The following LRRC24 variants were observed in gnomAD, a reference collection of about 807,000 sequenced individuals.
The protein encoded by LRRC24 is leucine rich repeat containing 24, also known as leucine-rich repeat-containing protein 24.
In LRRC24, 19 loss-of-function variants were observed where a neutral mutation model predicts 15.3. The observed-to-expected ratio is 1.25, with a 90% confidence interval of 0.87 to 1.83. The LOEUF (loss-of-function observed/expected upper bound fraction) is 1.83. Among genes scored for constraint, LRRC24 ranks in the 40% most tolerant of loss-of-function variants. LRRC24 has a pLI of 0.00. For synonymous variants in LRRC24, 469 were observed against 359.6 expected, an observed-to-expected ratio of 1.30 and a Z score of -3.44; for missense variants, 914 against 723.9, an observed-to-expected ratio of 1.26 and a Z score of -3.01.
At chr8:144,524,374 T>C in intron 3 of LRRC24, 67 bp downstream of exon 3, 2 of 1,593,584 alleles carry the variant, frequency 1.3e-6, no homozygotes, top group East Asian at 2.2e-5. Flanking sequence ...CTTTTCTAAC[T>C]ATTCCAGCCC....
chr8:144,522,754 C>G lies in LRRC24; in HGVS notation c.1263G>C (p.Leu421=), dbSNP rs1237959107. The stretch of plus-strand genomic sequence containing the variant: ...GGCGCCGGCGACAGATCATGGCGAC[C>G]AGGAGCAGCGCCGTGAGCGCCAGCA... ...IALLALTALL[L]VAMICRRRRR... is the part of the protein sequence containing the mutation. The change falls in exon 5 of 5, where the codon CTG becomes CTC. Residue 421 remains leucine, a synonymous_variant. Transcript: ENST00000529415. 2 of 1,583,730 alleles carry G rather than the reference C, an allele frequency of 1.3e-6. No homozygotes were observed. Among genetic ancestry groups the G allele is most frequent in the Non-Finnish European group, 1.7e-6 (2 of 1,167,450 alleles).
chr8:144,522,647 G>C lies in LRRC24; in HGVS notation c.1370C>G (p.Ala457Gly). The C allele has an allele frequency of 6.3e-7, 1 of 1,586,580 alleles. No homozygotes were observed. Among genetic ancestry groups the C allele is most frequent in the Non-Finnish European group, 8.6e-7 (1 of 1,168,484 alleles). Residue 457 changes from alanine (A) to glycine (G), a missense_variant, in exon 5 of 5, where the codon GCA (alanine) becomes GGA (glycine). Transcript: ENST00000529415. Reference protein sequence around the residue: ...NDYLDGPCTFAQLEELRDERG... With the variant: ...NDYLDGPCTFGQLEELRDERG... ...CTCGTCGCGGAGCTCCTCTAGCTGT[G>C]CGAACGTACAGGGGCCGTCCAAGTA... is the stretch of plus-strand genomic sequence containing the variant.
chr8:144,522,463 G>C lies in LRRC24; in HGVS notation c.*12C>G, dbSNP rs769551899. 1.2e-5 allele frequency: 17 copies of C among 1,404,708 alleles called. No homozygotes were observed. The highest frequency in any genetic ancestry group is 3.0e-5 in the East Asian group (1 of 33,722). 87.0% of individuals were successfully genotyped at this position (1,404,708 alleles called of 1,614,324 possible). On this transcript the variant is annotated 3_prime_UTR_variant, in exon 5 of 5. Coordinates refer to ENST00000529415, the MANE Select transcript of LRRC24 (RefSeq NM_001024678.4). ...AATCTCCGGCGCCCACGTCATCCGC[G>C]CGCCCGCGGCCCTAGCAGTGGATCT...
chr8:144,525,569 C>T (rs1162506818), intron 1 of LRRC24, among the ~76,000 whole-genome samples: 2 of 152,194 alleles, frequency 1.3e-5, no homozygotes, highest in African/African-American at 2.4e-5. Flanking sequence ...AGAGGAGCTA[C>T]GAGCCCCAGG....
At chr8:144,525,424 G>C (rs1404325200) in intron 1 of LRRC24, among the ~76,000 whole-genome samples, 1 of 152,210 alleles carries the variant, frequency 6.6e-6, no homozygotes, top group Admixed American at 6.5e-5. Flanking sequence ...GGAAGTACAG[G>C]GTATGGCTTG....
rs995278032 is a variant in LRRC24, at chr8:144,522,898, C to T, written c.1119G>A (p.Ala373=). The change falls in exon 5 of 5, where the codon GCG becomes GCA. Residue 373 remains alanine (A), a synonymous_variant. Transcript: ENST00000529415. The part of the protein sequence containing the change: ...NASRQQPQQP[A]QPPPPAARPA... ...GGCGGGCGGCCGGAGGCGGCGGTTG[C>T]GCGGGCTGCTGCGGCTGCTGCCGGG... The T allele has an allele frequency of 6.1e-6, 8 of 1,302,716 alleles. No homozygotes were observed. Among genetic ancestry groups the T allele is most frequent in the East Asian group, 3.1e-5 (1 of 32,230 alleles). The allele number at this position is 1,302,716 out of a possible 1,614,324, so 80.7% of individuals were successfully genotyped here.
chr8:144,522,517 TC>T lies in LRRC24; in HGVS notation c.1499del (p.Gly500AspfsTer?). The T allele has an allele frequency of 2.0e-6, 3 of 1,504,146 alleles. No individual in the cohort carries two copies. Among genetic ancestry groups the T allele is most frequent in the Non-Finnish European group, 2.7e-6 (3 of 1,130,790 alleles). 93.2% of individuals were successfully genotyped at this position (1,504,146 alleles called of 1,614,324 possible). The part of the protein sequence containing the change: ...DCGPEQGAGP[G>X]LRVPPPVAYE... Reference sequence around the variant, plus strand: ...AGGCGACCGGCGGGGGCACGCGGAGTCCCGGCCCCGCCCCCTGTTCCGGGCC... The same window carrying T: ...AGGCGACCGGCGGGGGCACGCGGAGTCCGGCCCCGCCCCCTGTTCCGGGCC... On this transcript the variant is annotated frameshift_variant, in exon 5 of 5. Coordinates refer to ENST00000529415, the MANE Select transcript of LRRC24 (RefSeq NM_001024678.4). LOFTEE classifies it high-confidence loss of function.
intron 1 of LRRC24, 118 bp from the exon 2 acceptor site, chr8:144,525,151 A>C: frequency 3.3e-6 from 2 of 600,842 alleles, no homozygotes; most frequent in Non-Finnish European, 2.5e-6. Flanking sequence ...AACTAATAAA[A>C]CGTTCTGGTT....
intron 4 of LRRC24, 111 bp downstream of exon 4, chr8:144,523,999 C>G: frequency 7.7e-7 from 1 of 1,297,340 alleles, no homozygotes; most frequent in Non-Finnish European, 1.1e-6. Context: ...GGTGGTGCAG[C>G]CTTCCAGACT....
intron 4 of LRRC24, 186 bp from the exon 5 acceptor site, chr8:144,523,595 G>T: frequency 2.3e-6 from 2 of 882,652 alleles, no homozygotes; most frequent in South Asian, 2.8e-5. Context: ...CTTCACCCTC[G>T]CCCCCCTCCC....
chr8:144,523,948 C>T, intron 4 of LRRC24, 162 bp downstream of exon 4: 2 of 806,212 alleles, frequency 2.5e-6, no homozygotes, highest in South Asian at 1.7e-5. Context: ...CTGTATTCCC[C>T]AGCACACCCA....
rs1393253160 is a variant in LRRC24, at chr8:144,525,209, C to T, written c.-59-176G>A. The T allele has an allele frequency of 1.4e-5, 6 of 417,848 alleles. No homozygotes were observed. In the South Asian group the frequency reaches 3.0e-4, roughly 21 times the overall value. The allele number at this position is 417,848 out of a possible 1,614,324, so 25.9% of individuals were successfully genotyped here. A position where few individuals can be genotyped will look rare whatever the true frequency, so the allele number is the denominator to read the frequency against. On this transcript the variant is annotated intron_variant, in intron 1 of 4. Transcript: ENST00000529415. ...TCTTAAAGCTCTGGGGCATCAGGTT[C>T]AAATTTAGAATTCCTGGTGTCCTCA...
chr8:144,523,155 G>T lies in LRRC24; in HGVS notation c.862C>A (p.Gln288Lys). 6.2e-7 allele frequency: 1 copy of T among 1,610,966 alleles called. No homozygotes were observed. The highest frequency in any genetic ancestry group is 8.5e-7 in the Non-Finnish European group (1 of 1,179,356). Residue 288 changes from glutamine (Q) to lysine (K), a missense_variant, in exon 5 of 5, where the codon CAG becomes AAG. Gln to Lys is a moderately conservative substitution (Grantham distance 53, BLOSUM62 1). Coordinates refer to ENST00000529415, the MANE Select transcript of LRRC24 (RefSeq NM_001024678.4). ...RVACQASGYP[Q>K]PLVTWRKVPQ... ...ACCTTTCTCCAGGTCACCAATGGCTGCGGGTAGCCGGAGGCTTGGCAGGCA... is the reference window on the plus strand; with the variant it reads ...ACCTTTCTCCAGGTCACCAATGGCTTCGGGTAGCCGGAGGCTTGGCAGGCA...
chr8:144,525,150 A>C, intron 1 of LRRC24, 117 bp from the exon 2 acceptor site: 3 of 604,410 alleles, frequency 5.0e-6, no homozygotes, highest in Admixed American at 4.2e-5. Flanking sequence ...AAACTAATAA[A>C]ACGTTCTGGT....
At chr8:144,525,246 G>T in intron 1 of LRRC24, 1 of 321,680 alleles carries the variant, frequency 3.1e-6, no homozygotes, top group Non-Finnish European at 5.6e-6. Context: ...TGTCTTCACA[G>T]GATGTGACCA....
chr8:144,524,217 G>T lies in LRRC24; in HGVS notation c.500C>A (p.Ala167Glu), dbSNP rs758677817. 1.2e-6 allele frequency: 2 copies of T among 1,612,660 alleles called. No homozygotes were observed. Among genetic ancestry groups the T allele is most frequent in the East Asian group, 4.5e-5 (2 of 44,884 alleles). Residue 167 changes from alanine to glutamate, a missense_variant, in exon 4 of 5, where the codon GCG becomes GAG. Coordinates refer to ENST00000529415, the MANE Select transcript of LRRC24 (RefSeq NM_001024678.4). ...CAGCAGTGCTAGGGAGGACAGCCCC[G>T]CTAGAGCCTGGTCCTCCAGCAGCTC... Reference protein sequence around the residue: ...SIELLEDQALAGLSSLALLDL... With the variant: ...SIELLEDQALEGLSSLALLDL...
chr8:144,522,397 T>C lies in LRRC24; in HGVS notation c.*78A>G, dbSNP rs1840153744. The C allele has an allele frequency of 4.4e-6, 6 of 1,366,296 alleles. No homozygotes were observed. The highest frequency in any genetic ancestry group is 5.6e-6 in the Non-Finnish European group (6 of 1,067,020). 84.6% of individuals were successfully genotyped at this position (1,366,296 alleles called of 1,614,324 possible). ...ACGGCTCAGCGCACACTGCGCGGCT[T>C]CCACCTTTACTGACGGAGCATGCGC... On this transcript the variant is annotated 3_prime_UTR_variant, in exon 5 of 5. Coordinates refer to ENST00000529415, the MANE Select transcript of LRRC24 (RefSeq NM_001024678.4).
chr8:144,524,527 AGGCGCCGCTGCGCAAGCC>A lies in LRRC24; in HGVS notation c.334_351del (p.Gly112_Ala117del). The A allele has an allele frequency of 6.3e-7, 1 of 1,590,510 alleles. No homozygotes were observed. The highest frequency in any genetic ancestry group is 8.5e-7 in the Non-Finnish European group (1 of 1,176,858). On this transcript the variant is annotated inframe_deletion, in exon 3 of 5. Transcript: ENST00000529415. ...ACGCGCAGCTGGGCCAGGCCTACGA[AGGCGCCGCTGCGCAAGCC>A]GCGCAGCCGGTTGCTAGTGAGCGCC...
chr8:144,522,863 C>A lies in LRRC24; in HGVS notation c.1154G>T (p.Ser385Ile). 1 of 1,271,286 alleles carries A rather than the reference C, an allele frequency of 7.9e-7. No homozygotes were observed. Among genetic ancestry groups the A allele is most frequent in the South Asian group, 3.2e-5 (1 of 31,316 alleles). The allele number at this position is 1,271,286 out of a possible 1,614,324, so 78.8% of individuals were successfully genotyped here. ...PPPPAARPAG[S>I]EPRPEAGSMA... Reference sequence around the variant, plus strand: ...GCTGCCCGCCTCGGGCCGGGGCTCGCTGCCGGCGGGGCGGGCGGCCGGAGG... The same window carrying A: ...GCTGCCCGCCTCGGGCCGGGGCTCGATGCCGGCGGGGCGGGCGGCCGGAGG... Residue 385 changes from serine to isoleucine, a missense_variant, in exon 5 of 5, where the codon AGC becomes ATC. By Grantham distance (142) the Ser-to-Ile change is moderately radical. Transcript: ENST00000529415.
Sources: gnomAD v4.1 joint callset for allele counts (sites outside exome capture counted in the v4.1 genomes callset) on GRCh38, gnomAD v4.1.1 for gene constraint, MANE v1.5 for transcripts, NCBI Gene and HGNC (gene_info 2026-07-23, HGNC 2026-07-21) for gene names.